The following IDH3A variants were observed in gnomAD, a reference collection of about 807,000 sequenced individuals.
The protein encoded by IDH3A is isocitrate dehydrogenase [NAD] subunit alpha, mitochondrial.
Under a neutral mutation model 43.3 loss-of-function variants are expected in IDH3A, and 23 were observed. The ratio of observed to expected loss-of-function variants is 0.53; its 90% CI spans 0.38 to 0.75. IDH3A has a LOEUF of 0.75. Among genes scored for constraint, IDH3A ranks in the 30% least tolerant of loss-of-function variants. The pLI is 0.00. For synonymous variants in IDH3A, 154 were observed against 163.5 expected, an observed-to-expected ratio of 0.94 and a Z score of 0.44; for missense variants, 329 against 474.4, an observed-to-expected ratio of 0.69 and a Z score of 2.85.
Position 78,163,516 on chromosome 15 carries a change from A to G in IDH3A, c.621A>G (p.Ser207=). The G allele has an allele frequency of 6.2e-7, 1 of 1,610,404 alleles. No homozygotes were observed. The highest frequency in any genetic ancestry group is 8.5e-7 in the Non-Finnish European group (1 of 1,177,010). The part of the protein sequence containing the change: ...AVHKANIMRM[S]DGLFLQKCRE... ...ATTTGATTAAATACAGGCGGATGTC[A>G]GATGGGCTTTTTCTACAAAAATGCA... The change falls in exon 7 of 11, where the codon TCA becomes TCG. Residue 207 remains serine, a synonymous_variant. Coordinates refer to ENST00000299518, the MANE Select transcript of IDH3A (RefSeq NM_005530.3).
intron 2 of IDH3A, 144 bp from the exon 3 acceptor site, chr15:78,157,404 C>G (rs1246843160): frequency 3.0e-6 from 2 of 656,818 alleles, no homozygotes; most frequent in African/African-American, 1.8e-5. Context: ...TTGATGACCC[C>G]CGGGGAGGTA....
intron 1 of IDH3A, among the ~76,000 whole-genome samples, chr15:78,149,681 C>T (rs902128430): frequency 6.6e-6 from 1 of 152,162 alleles, no homozygotes; most frequent in Non-Finnish European, 1.5e-5. Context: ...GGCGGGGGGG[C>T]GCCGGCCCTG....
At chr15:78,165,574 T>C (rs2074730874) in intron 9 of IDH3A, among the ~76,000 whole-genome samples, 1 of 152,218 alleles carries the variant, frequency 6.6e-6, no homozygotes, top group Admixed American at 6.5e-5. Flanking sequence ...GTATTTATTA[T>C]GTATCCTTCC....
intron 9 of IDH3A, 32 bp downstream of exon 9, chr15:78,165,108 G>C (rs1441223732): frequency 7.4e-7 from 1 of 1,349,560 alleles, no homozygotes; most frequent in Admixed American, 1.7e-5. Context: ...ACAGAACTCA[G>C]GTCAGAACAG....
intron 1 of IDH3A, among the ~76,000 whole-genome samples, chr15:78,153,796 A>T (rs543642125): frequency 3.3e-5 from 5 of 152,180 alleles, no homozygotes; most frequent in African/African-American, 1.2e-4. Flanking sequence ...AGGCAGGTGG[A>T]TCACCTGAGG....
intron 3 of IDH3A, among the ~76,000 whole-genome samples, chr15:78,157,943 G>A (rs1293693983): frequency 1.3e-5 from 2 of 151,618 alleles, no homozygotes; most frequent in African/African-American, 4.8e-5. Flanking sequence ...GATTATAGGC[G>A]TGAGCCACCG....
chr15:78,165,063 C>G lies in IDH3A; in HGVS notation c.851C>G (p.Ala284Gly). 1 of 1,612,690 alleles carries G rather than the reference C, an allele frequency of 6.2e-7. No homozygotes were observed. The highest frequency in any genetic ancestry group is 8.5e-7 in the Non-Finnish European group (1 of 1,178,980). Residue 284 changes from alanine to glycine, a missense_variant, in exon 9 of 11, where the codon GCA (alanine) becomes GGA (glycine). Ala to Gly is a moderately conservative substitution (Grantham distance 60, BLOSUM62 0). This residue lies in a region of IDH3A where 91 missense variants were observed against 111.6 expected (regional missense o/e 0.82). Transcript: ENST00000299518. ...PSGNIGANGV[A>G]IFESVHGTAP... ...GGCAACATTGGAGCCAATGGGGTTG[C>G]AATTTTTGAGTCGGTAAGGACCCTG... is the stretch of plus-strand genomic sequence containing the variant.
Position 78,171,370 on chromosome 15 carries a change from A to AGAG in IDH3A, c.*2366_*2368dup, listed in dbSNP as rs910402458. ...GCAGAAATGCCTGTGCCCAGACTGA[A>AGAG]GAGACCTGGGGCTCAGGAAGAGGCT... On this transcript the variant is annotated 3_prime_UTR_variant, in exon 11 of 11. Coordinates refer to ENST00000299518, the MANE Select transcript of IDH3A (RefSeq NM_005530.3). 7.7e-7 allele frequency: 1 copy of AGAG among 1,291,500 alleles called. No individual in the cohort carries two copies. The highest frequency in any genetic ancestry group is 1.1e-6 in the Non-Finnish European group (1 of 902,432). The allele number at this position is 1,291,500 out of a possible 1,614,324, so 80.0% of individuals were successfully genotyped here. A position where few individuals can be genotyped will look rare whatever the true frequency, so the allele number is the denominator to read the frequency against.
Position 78,168,920 on chromosome 15 carries a change from A to G in IDH3A, c.1018-2A>G. The G allele has an allele frequency of 6.3e-7, 1 of 1,584,954 alleles. No homozygotes were observed. Among genetic ancestry groups the G allele is most frequent in the Non-Finnish European group, 8.6e-7 (1 of 1,157,392 alleles). Reference sequence around the variant, plus strand: ...TTTATTTTTGCTTTTTCCTTTTCTCAGAGCTTGACAAAAGATTTGGGAGGC... The same window carrying G: ...TTTATTTTTGCTTTTTCCTTTTCTCGGAGCTTGACAAAAGATTTGGGAGGC... On this transcript the variant is annotated splice_acceptor_variant, in intron 10 of 10. Coordinates refer to ENST00000299518, the MANE Select transcript of IDH3A (RefSeq NM_005530.3). LOFTEE classifies it high-confidence loss of function.
rs1239216592 is a variant in IDH3A at position 78,149,417 on chromosome 15, C to T, written c.14C>T (p.Ala5Val). 1.3e-6 allele frequency: 2 copies of T among 1,553,862 alleles called. No individual in the cohort carries two copies. Among genetic ancestry groups the T allele is most frequent in the East Asian group, 2.5e-5 (1 of 40,786 alleles). Residue 5 changes from alanine (A) to valine (V), a missense_variant, in exon 1 of 11, where the codon GCG becomes GTG. By Grantham distance (64) the Ala-to-Val change is moderately conservative. Transcript: ENST00000299518. ...GGAGGGGAAGCGATGGCTGGGCCCG[C>T]GTGGATCTCTAAGGTGAGCGCTGGC... is the stretch of plus-strand genomic sequence containing the variant. Reference protein sequence around the residue: MAGPAWISKVSRLLG... With the variant: MAGPVWISKVSRLLG...
chr15:78,150,253 A>G (rs1468411942), intron 1 of IDH3A, among the ~76,000 whole-genome samples: 1 of 152,196 alleles, frequency 6.6e-6, no homozygotes, highest in Non-Finnish European at 1.5e-5. Context: ...CCTGAAGAAG[A>G]ATTTGCTCAA....
chr15:78,160,346 T>C (rs565888188), intron 4 of IDH3A, 140 bp downstream of exon 4: 2 of 581,608 alleles, frequency 3.4e-6, no homozygotes, highest in East Asian at 2.8e-5. Context: ...TAACTACTCA[T>C]AGTAAGATGT....
At chr15:78,153,257 A>G (rs2074594394) in intron 1 of IDH3A, among the ~76,000 whole-genome samples, 1 of 152,178 alleles carries the variant, frequency 6.6e-6, no homozygotes. Context: ...GGTGTGCACC[A>G]CCATACCTGG....
chr15:78,153,308 T>C (rs948412321), intron 1 of IDH3A, among the ~76,000 whole-genome samples: 6 of 152,232 alleles, frequency 3.9e-5, no homozygotes, highest in African/African-American at 1.2e-4. Context: ...TTGCACAGCC[T>C]GGTTGGTTGG....
rs2141308114 is a variant in IDH3A at position 78,168,952 on chromosome 15, A to G, written c.1048A>G (p.Lys350Glu). Residue 350 changes from lysine to glutamate, a missense_variant, in exon 11 of 11, where the codon AAA (lysine) becomes GAA (glutamate). Lys to Glu is a moderately conservative substitution (Grantham distance 56, BLOSUM62 1). Coordinates refer to ENST00000299518, the MANE Select transcript of IDH3A (RefSeq NM_005530.3). ...GACAAAAGATTTGGGAGGCAATGCA[A>G]AATGCTCAGACTTCACAGAGGAAAT... is the stretch of plus-strand genomic sequence containing the variant. ...SLTKDLGGNAKCSDFTEEICR... is the reference protein window; with the variant it reads ...SLTKDLGGNAECSDFTEEICR... The G allele has an allele frequency of 1.2e-6, 2 of 1,604,196 alleles. No homozygotes were observed. Among genetic ancestry groups the G allele is most frequent in the Non-Finnish European group, 1.7e-6 (2 of 1,171,934 alleles).
chr15:78,161,758 T>C lies in IDH3A; in HGVS notation c.467T>C (p.Ile156Thr), dbSNP rs2074683498. The change falls in exon 5 of 11, where the codon ATT becomes ACT. Residue 156 changes from isoleucine to threonine, a missense_variant. Physicochemically the swap from Ile to Thr is moderately conservative, Grantham distance 89. This residue lies in a region of IDH3A where 212 missense variants were observed against 345.5 expected (regional missense o/e 0.61). Transcript: ENST00000299518. The surrounding 1 kb of genome is among the most constrained non-coding windows in gnomAD (Gnocchi z 4.8). ...RENTEGEYSG[I>T]EHVIVDGVVQ... ...AACACAGAAGGAGAATACAGTGGAA[T>C]TGAGCATGTGGTATGTTCACTCCAG... is the stretch of plus-strand genomic sequence containing the variant. The C allele has an allele frequency of 6.2e-7, 1 of 1,613,948 alleles. No individual in the cohort carries two copies.
Position 78,171,371 on chromosome 15 carries a change from G to A in IDH3A, c.*2366G>A, listed in dbSNP as rs2074819094. ...CAGAAATGCCTGTGCCCAGACTGAAGAGACCTGGGGCTCAGGAAGAGGCTC... is the reference window on the plus strand; with the variant it reads ...CAGAAATGCCTGTGCCCAGACTGAAAAGACCTGGGGCTCAGGAAGAGGCTC... On this transcript the variant is annotated 3_prime_UTR_variant, in exon 11 of 11. Coordinates refer to ENST00000299518, the MANE Select transcript of IDH3A (RefSeq NM_005530.3). 7.7e-7 allele frequency: 1 copy of A among 1,303,200 alleles called. No homozygotes were observed. The highest frequency in any genetic ancestry group is 1.5e-5 in the African/African-American group (1 of 67,736). The allele number at this position is 1,303,200 out of a possible 1,614,324, so 80.7% of individuals were successfully genotyped here. A position where few individuals can be genotyped will look rare whatever the true frequency, so the allele number is the denominator to read the frequency against.
rs762217007 is a variant in IDH3A, at chr15:78,160,131, C to G, written c.214C>G (p.Gln72Glu). 6.2e-7 allele frequency: 1 copy of G among 1,613,588 alleles called. No homozygotes were observed. The highest frequency in any genetic ancestry group is 1.1e-5 in the South Asian group (1 of 91,060). The change falls in exon 4 of 11, where the codon CAA becomes GAA. Residue 72 changes from glutamine to glutamate, a missense_variant. Physicochemically the swap from Gln to Glu is conservative, Grantham distance 29. Coordinates refer to ENST00000299518, the MANE Select transcript of IDH3A (RefSeq NM_005530.3). ...GGAGGAGCGGAACGTCACTGCCATT[C>G]AAGGACCTGGAGGAAAGTGGATGAT... ...QWEERNVTAI[Q>E]GPGGKWMIPS... is the part of the protein sequence containing the mutation.
rs2074805214 is a variant in IDH3A at position 78,170,394 on chromosome 15, G to C, written c.*1389G>C. 2.0e-5 allele frequency: 3 copies of C among 151,650 alleles called. No individual in the cohort carries two copies. The highest frequency in any genetic ancestry group is 7.3e-5 in the African/African-American group (3 of 41,264). 9.4% of individuals were successfully genotyped at this position (151,650 alleles called of 1,614,324 possible). A position where few individuals can be genotyped will look rare whatever the true frequency, so the allele number is the denominator to read the frequency against. ...TTTTTAGCAATGATATCCCTGTCTG[G>C]GTCACTTTTTAAGCTTGTAACCGCC... On this transcript the variant is annotated 3_prime_UTR_variant, in exon 11 of 11. Coordinates refer to ENST00000299518, the MANE Select transcript of IDH3A (RefSeq NM_005530.3).
Sources: gnomAD v4.1 joint callset for allele counts (sites outside exome capture counted in the v4.1 genomes callset) on GRCh38, gnomAD v4.1.1 for gene constraint, gnomAD v4.1.1 regional missense constraint, Gnocchi (gnomAD v3.1) non-coding constraint, MANE v1.5 for transcripts, NCBI Gene and HGNC (gene_info 2026-07-23, HGNC 2026-07-21) for gene names.